The following METTL15 variants were observed in gnomAD, a reference collection of about 807,000 sequenced individuals.
METTL15 encodes the protein methyltransferase 15, mitochondrial 12S rRNA N4-cytidine, also known as 12S rRNA N(4)-cytidine methyltransferase METTL15.
METTL15 carries 34 observed loss-of-function variants against 38.3 expected under a neutral mutation model. The ratio of observed to expected loss-of-function variants is 0.89; its 90% CI spans 0.68 to 1.18. The LOEUF is 1.18. Among genes scored for constraint, METTL15 ranks in the 50% most tolerant of loss-of-function variants. The probability of loss-of-function intolerance (pLI) is 0.00; values close to 1 mark genes in which losing one functional copy is unlikely to be tolerated. For synonymous variants in METTL15, 162 were observed against 170.9 expected (o/e 0.95, Z 0.41); for missense variants, 438 against 498.4 (o/e 0.88, Z 1.15).
chr11:28,301,119 C>T (rs1231000813), intron 6 of METTL15, among the ~76,000 whole-genome samples: 2 of 152,096 alleles, frequency 1.3e-5, no homozygotes, highest in Non-Finnish European at 2.9e-5. Flanking sequence ...CATGAACTGG[C>T]TCCTACCTGT....
intron 6 of METTL15, among the ~76,000 whole-genome samples, chr11:28,485,235 C>CAAGAA (rs71909949): frequency 1.6e-3 from 243 of 150,726 alleles, no homozygotes; most frequent in Middle Eastern, 6.8e-3. Flanking sequence ...TTATTGAATG[C>CAAGAA]AAGAAAAGAA....
intron 6 of METTL15, among the ~76,000 whole-genome samples, chr11:28,302,955 T>C (rs564727525): frequency 6.6e-6 from 1 of 152,232 alleles, no homozygotes; most frequent in East Asian, 1.9e-4. Flanking sequence ...ATTTATGCAC[T>C]TAATTTTGAA....
chr11:28,433,163 G>GTTTTTT (rs1209820099), intron 6 of METTL15, among the ~76,000 whole-genome samples: 5 of 93,770 alleles, frequency 5.3e-5, no homozygotes, highest in East Asian at 2.7e-4. Flanking sequence ...GTTTTGTTTT[G>GTTTTTT]TTTTTTTTGT....
intron 4 of METTL15, among the ~76,000 whole-genome samples, chr11:28,241,211 T>A (rs1854278147): frequency 6.6e-6 from 1 of 152,074 alleles, no homozygotes; most frequent in Non-Finnish European, 1.5e-5. Flanking sequence ...AGTTTTCTAG[T>A]ATGTTAACAA....
chr11:28,181,709 A>G (rs1014161632), intron 3 of METTL15, among the ~76,000 whole-genome samples: 2 of 95,488 alleles, frequency 2.1e-5, no homozygotes, highest in African/African-American at 5.7e-5. Flanking sequence ...TAGTGCTGCA[A>G]TAAACATACG....
intron 3 of METTL15, among the ~76,000 whole-genome samples, chr11:28,176,522 G>A (rs1851080924): frequency 6.6e-6 from 1 of 152,056 alleles, no homozygotes; most frequent in African/African-American, 2.4e-5. Flanking sequence ...AGTATAATAA[G>A]GGTTAAATCA....
chr11:28,217,072 T>A (rs1220135512), intron 4 of METTL15, among the ~76,000 whole-genome samples: 1 of 152,118 alleles, frequency 6.6e-6, no homozygotes, highest in Non-Finnish European at 1.5e-5. Flanking sequence ...TTAGGGTATA[T>A]ACCCAGTAAT....
At chr11:28,192,436 T>C (rs1590134226) in intron 3 of METTL15, among the ~76,000 whole-genome samples, 1 of 151,954 alleles carries the variant, frequency 6.6e-6, no homozygotes, top group East Asian at 1.9e-4. Context: ...TTTGCCTTTT[T>C]TTTTTTTGCA....
intron 4 of METTL15, among the ~76,000 whole-genome samples, chr11:28,360,799 T>C (rs1308371418): frequency 7.2e-6 from 1 of 139,632 alleles, no homozygotes; most frequent in Non-Finnish European, 1.6e-5. Flanking sequence ...CCAGTGCTAT[T>C]CCTCCCCCCT....
chr11:28,395,720 G>A (rs944147309), intron 5 of METTL15, among the ~76,000 whole-genome samples: 18 of 152,096 alleles, frequency 1.2e-4, no homozygotes, highest in Admixed American at 1.0e-3. Flanking sequence ...AATACAAAAC[G>A]AGAGAATCCT....
At chr11:28,514,170 C>A (rs1851700170) in intron 6 of METTL15, among the ~76,000 whole-genome samples, 1 of 152,188 alleles carries the variant, frequency 6.6e-6, no homozygotes, top group Non-Finnish European at 1.5e-5. Flanking sequence ...AATCAGCATT[C>A]TTTCATCCCC....
At chr11:28,465,381 A>G (rs1851248767) in intron 6 of METTL15, among the ~76,000 whole-genome samples, 1 of 151,988 alleles carries the variant, frequency 6.6e-6, no homozygotes, top group Non-Finnish European at 1.5e-5. Context: ...CCTGAGCAAT[A>G]TTATTACCTT....
intron 6 of METTL15, among the ~76,000 whole-genome samples, chr11:28,484,941 C>G (rs1473832711): frequency 6.6e-6 from 1 of 152,114 alleles, no homozygotes; most frequent in Non-Finnish European, 1.5e-5. Context: ...GCTCATGAAT[C>G]AGGTATATCT....
intron 6 of METTL15, among the ~76,000 whole-genome samples, chr11:28,505,396 AT>A (rs1163899466): frequency 2.6e-5 from 4 of 152,208 alleles, no homozygotes; most frequent in African/African-American, 9.6e-5. Context: ...ATGTGTAAAC[AT>A]GGGTCATAGT....
chr11:28,350,126 T>A (rs898845909), intron 3 of METTL15, among the ~76,000 whole-genome samples: 3 of 152,196 alleles, frequency 2.0e-5, no homozygotes, highest in Non-Finnish European at 2.9e-5. Flanking sequence ...ACCTTCTATA[T>A]GCTATGTGCT....
intron 4 of METTL15, among the ~76,000 whole-genome samples, chr11:28,221,351 A>T (rs1001561547): frequency 5.3e-5 from 8 of 152,146 alleles, no homozygotes; most frequent in African/African-American, 1.9e-4. Context: ...AGTTGATCGA[A>T]TCGGCTACTG....
intron 3 of METTL15, among the ~76,000 whole-genome samples, chr11:28,180,553 G>A (rs1454065703): frequency 6.6e-6 from 1 of 151,718 alleles, no homozygotes; most frequent in African/African-American, 2.4e-5. Context: ...TGTCGTTTAA[G>A]GATGCTAGTG....
At chr11:28,377,751 C>G (rs1850333693) in intron 5 of METTL15, among the ~76,000 whole-genome samples, 1 of 152,066 alleles carries the variant, frequency 6.6e-6, no homozygotes, top group Non-Finnish European at 1.5e-5. Context: ...TTTAGAGTTT[C>G]CAGTTTTTCT....
intron 2 of METTL15, among the ~76,000 whole-genome samples, chr11:28,111,223 CTGAA>C (rs1332077463): frequency 3.3e-5 from 5 of 152,138 alleles, no homozygotes; most frequent in African/African-American, 1.2e-4. Context: ...CACATAGAGA[CTGAA>C]TGCAATAGAA....
Sources: allele counts gnomAD v4.1 joint callset (sites outside exome capture counted in the v4.1 genomes callset), GRCh38; gene constraint gnomAD v4.1.1; transcripts MANE v1.5; gene names NCBI Gene and HGNC (gene_info 2026-07-23, HGNC 2026-07-21).